Variants in CDC42BPA observed in about 807,000 individuals in gnomAD.
The protein encoded by CDC42BPA is serine/threonine-protein kinase MRCK alpha.
A neutral mutation model predicts 223.5 loss-of-function variants in CDC42BPA; 80 were observed. The ratio of observed to expected loss-of-function variants is 0.36; its 90% CI spans 0.30 to 0.43. CDC42BPA has a LOEUF of 0.43. Among genes scored for constraint, CDC42BPA ranks in the 20% least tolerant of loss-of-function variants. CDC42BPA has a pLI of 1.00. For synonymous variants in CDC42BPA, 694 were observed against 718.6 expected (o/e 0.97, Z 0.55); for missense variants, 1,743 against 2,099.9 (o/e 0.83, Z 3.32).
intron 2 of CDC42BPA, among the ~76,000 whole-genome samples, chr1:227,230,923 C>T (rs773970667): frequency 5.0e-4 from 74 of 147,874 alleles, no homozygotes; most frequent in Non-Finnish European, 8.1e-4. Context: ...CGGGTTCAAG[C>T]GATTCCCCTG....
chr1:227,009,707 T>C (rs12410103), intron 34 of CDC42BPA, among the ~76,000 whole-genome samples: 57,057 of 151,798 alleles, frequency 0.38, 11,337 homozygotes, highest in Non-Finnish European at 0.46. Context: ...TGAGCCATCA[T>C]GCCCAGTGAA....
chr1:226,992,668 G>A lies in CDC42BPA; in HGVS notation c.*1600C>T, dbSNP rs915152352. On this transcript the variant is annotated 3_prime_UTR_variant, in exon 37 of 37. Transcript: ENST00000366766. ...CACTGAATTTTAAAGAGAGAATCCT[G>A]TCTCTATTTCTCAGAGAAACTTAGG... 1 of 152,248 alleles carries A rather than the reference G, an allele frequency of 6.6e-6. No homozygotes were observed. The allele number at this position is 152,248 out of a possible 1,614,324, so 9.4% of individuals were successfully genotyped here. A position where few individuals can be genotyped will look rare whatever the true frequency, so the allele number is the denominator to read the frequency against.
At chr1:227,271,976 G>A (rs1686035242) in intron 1 of CDC42BPA, among the ~76,000 whole-genome samples, 1 of 152,152 alleles carries the variant, frequency 6.6e-6, no homozygotes, top group South Asian at 2.1e-4. Context: ...TAGGTACTAA[G>A]TAAATGTATT....
chr1:227,126,292 C>T (rs1689572136), intron 11 of CDC42BPA, among the ~76,000 whole-genome samples: 1 of 152,154 alleles, frequency 6.6e-6, no homozygotes, highest in Admixed American at 6.6e-5. Flanking sequence ...TAAATGTTCA[C>T]ATCGAGGTTG....
chr1:227,230,493 A>G (rs1266575029), intron 2 of CDC42BPA, among the ~76,000 whole-genome samples: 1 of 152,226 alleles, frequency 6.6e-6, no homozygotes, highest in Non-Finnish European at 1.5e-5. Context: ...TCTTTTGAAT[A>G]ATACTGTAAC....
chr1:227,282,027 TA>T (rs1293826327), intron 1 of CDC42BPA, among the ~76,000 whole-genome samples: 7 of 151,924 alleles, frequency 4.6e-5, no homozygotes, highest in African/African-American at 1.7e-4. Flanking sequence ...CCGTCTCTAC[TA>T]AAAATACAAA....
At chr1:227,024,685 G>A (rs1203795790) in intron 31 of CDC42BPA, among the ~76,000 whole-genome samples, 2 of 152,088 alleles carry the variant, frequency 1.3e-5, no homozygotes, top group African/African-American at 2.4e-5. Context: ...GATAGAAAAT[G>A]ACTATATATT....
At chr1:227,118,672 G>A (rs1571762181) in intron 12 of CDC42BPA, among the ~76,000 whole-genome samples, 1 of 152,116 alleles carries the variant, frequency 6.6e-6, no homozygotes, top group African/African-American at 2.4e-5. Context: ...CAAGGAAATC[G>A]CTCAGAAGAG....
At chr1:227,167,499 C>G (rs1665250387) in intron 5 of CDC42BPA, among the ~76,000 whole-genome samples, 1 of 152,134 alleles carries the variant, frequency 6.6e-6, no homozygotes, top group South Asian at 2.1e-4. Context: ...TTTTTTCTCC[C>G]ATCTAAAATT....
At position 227,073,986 on chromosome 1, in the gene CDC42BPA, A is replaced by T; in HGVS notation, c.2613T>A (p.Phe871Leu). 1 of 1,612,046 alleles carries T rather than the reference A, an allele frequency of 6.2e-7. No homozygotes were observed. The highest frequency in any genetic ancestry group is 8.5e-7 in the Non-Finnish European group (1 of 1,179,468). Residue 871 changes from phenylalanine (F) to leucine (L), a missense_variant, in exon 19 of 37, where the codon TTT (phenylalanine) becomes TTA (leucine). Physicochemically the swap from Phe to Leu is conservative, Grantham distance 22. This residue lies in a region of CDC42BPA where 36 missense variants were observed against 71.9 expected (regional missense o/e 0.50). Transcript: ENST00000366766. ...ATDMPWKMRR[F>L]AKLDMSARLE... The stretch of plus-strand genomic sequence containing the variant: ...GTCTAGCTGACATATCCAGTTTCGC[A>T]AAACGACGCATTTTCCAGGGCATAT...
At chr1:227,061,155 C>T (rs1195381241) in intron 21 of CDC42BPA, among the ~76,000 whole-genome samples, 1 of 152,146 alleles carries the variant, frequency 6.6e-6, no homozygotes, top group African/African-American at 2.4e-5. Context: ...AGGCTAAAGT[C>T]TCAGGTTCAA....
chr1:227,165,965 A>G (rs74690757), intron 5 of CDC42BPA, among the ~76,000 whole-genome samples: 1,738 of 152,272 alleles, frequency 0.011, 37 homozygotes, highest in African/African-American at 0.04. Flanking sequence ...AAATGTCTGA[A>G]TCATTTAATC....
intron 1 of CDC42BPA, among the ~76,000 whole-genome samples, chr1:227,295,360 A>C (rs1282572463): frequency 6.6e-6 from 1 of 151,948 alleles, no homozygotes; most frequent in African/African-American, 2.4e-5. Flanking sequence ...GGGTTTCACC[A>C]TGTTGCCCGG....
At chr1:227,004,763 A>C in intron 35 of CDC42BPA, 1 of 595,998 alleles carries the variant, frequency 1.7e-6, no homozygotes, top group Non-Finnish European at 3.1e-6. Context: ...TTGTAATCAT[A>C]TTTGTCTGTC....
intron 1 of CDC42BPA, among the ~76,000 whole-genome samples, chr1:227,291,943 G>A (rs1237946548): frequency 1.3e-5 from 2 of 151,560 alleles, no homozygotes; most frequent in African/African-American, 2.4e-5. Flanking sequence ...TCATTTTAAA[G>A]ACAATTTAAA....
intron 26 of CDC42BPA, among the ~76,000 whole-genome samples, chr1:227,033,954 T>C (rs1248356429): frequency 6.6e-6 from 1 of 150,716 alleles, no homozygotes; most frequent in Non-Finnish European, 1.5e-5. Context: ...ATCAGATTTT[T>C]CTTGCCAATA....
At chr1:227,055,470 T>C (rs762789154) in intron 21 of CDC42BPA, among the ~76,000 whole-genome samples, 2 of 152,144 alleles carry the variant, frequency 1.3e-5, no homozygotes, top group Non-Finnish European at 2.9e-5. Context: ...AATGAATACA[T>C]GCTGGCATTT....
intron 1 of CDC42BPA, among the ~76,000 whole-genome samples, chr1:227,306,619 G>GA (rs1293834039): frequency 1.3e-5 from 2 of 152,268 alleles, no homozygotes; most frequent in Non-Finnish European, 2.9e-5. Flanking sequence ...AACTCTAGGA[G>GA]AATCTCTATA....
intron 4 of CDC42BPA, among the ~76,000 whole-genome samples, chr1:227,198,474 GAAAA>G (rs71759139): frequency 0.03 from 3,772 of 126,568 alleles, 556 homozygotes; most frequent in Middle Eastern, 0.053. Context: ...AAGAAAGAAA[GAAAA>G]AAAATGTTGC....
Sources: allele counts gnomAD v4.1 joint callset (sites outside exome capture counted in the v4.1 genomes callset), GRCh38; gene constraint gnomAD v4.1.1; regional missense constraint gnomAD v4.1.1; transcripts MANE v1.5; gene names NCBI Gene and HGNC (gene_info 2026-07-23, HGNC 2026-07-21).